The following DDX31 variants were observed in gnomAD, a reference collection of about 807,000 sequenced individuals.
DDX31 encodes DEAD-box helicase 31, also known as ATP-dependent DNA helicase DDX31.
DDX31 carries 70 observed loss-of-function variants against 91.3 expected under a neutral mutation model. The observed-to-expected ratio is 0.77, with a 90% confidence interval of 0.63 to 0.94. DDX31 has a LOEUF of 0.94. Among genes scored for constraint, DDX31 ranks in the 40% least tolerant of loss-of-function variants. DDX31 has a pLI of 0.00. For synonymous variants in DDX31, 362 were observed against 350.6 expected (o/e 1.03, Z -0.36); for missense variants, 902 against 925.0 (o/e 0.98, Z 0.32).
intron 6 of DDX31, among the ~76,000 whole-genome samples, chr9:132,656,056 T>C (rs1314309065): frequency 2.0e-5 from 3 of 152,036 alleles, no homozygotes; most frequent in African/African-American, 7.3e-5. Flanking sequence ...GAAAAATCAA[T>C]TCCTCACAGG....
chr9:132,608,456 G>A (rs1177064168), intron 19 of DDX31, among the ~76,000 whole-genome samples: 1 of 152,072 alleles, frequency 6.6e-6, no homozygotes, highest in African/African-American at 2.4e-5. Context: ...CAATGTAAGA[G>A]ACGAAGGGTC....
At chr9:132,619,802 T>C (rs565897956) in intron 17 of DDX31, among the ~76,000 whole-genome samples, 5 of 151,810 alleles carry the variant, frequency 3.3e-5, no homozygotes, top group Non-Finnish European at 7.4e-5. Context: ...CCCTCTTAAC[T>C]GATGTGAAAT....
At chr9:132,657,365 T>A (rs2130821274) in intron 6 of DDX31, among the ~76,000 whole-genome samples, 1 of 152,340 alleles carries the variant, frequency 6.6e-6, no homozygotes, top group East Asian at 1.9e-4. Context: ...AACACTTTCA[T>A]CCACTCATTT....
chr9:132,629,845 T>A (rs903387136), intron 16 of DDX31, among the ~76,000 whole-genome samples: 1 of 152,240 alleles, frequency 6.6e-6, no homozygotes, highest in Non-Finnish European at 1.5e-5. Context: ...CCTGGGTTCA[T>A]CTTCCTGGGG....
chr9:132,594,891 T>TC lies in DDX31; in HGVS notation c.2215dup (p.Asp739GlyfsTer45). 1 of 1,613,872 alleles carries TC rather than the reference T, an allele frequency of 6.2e-7. No individual in the cohort carries two copies. The highest frequency in any genetic ancestry group is 8.5e-7 in the Non-Finnish European group (1 of 1,180,040). On this transcript the variant is annotated frameshift_variant, in exon 20 of 20. Transcript: ENST00000372159. LOFTEE classifies it low-confidence loss of function (END_TRUNC). The stretch of plus-strand genomic sequence containing the variant: ...TTAAACTTTCTGGGAAGTCTTGCTG[T>TC]CCCGCTGTACACCTTTTTGGGTTTT...
intron 19 of DDX31, among the ~76,000 whole-genome samples, chr9:132,602,767 T>C (rs893490319): frequency 5.3e-5 from 8 of 152,206 alleles, no homozygotes; most frequent in South Asian, 4.1e-4. Context: ...ACTAAAAGCA[T>C]TCACATGCTG....
At chr9:132,624,426 G>C (rs1045589783) in intron 17 of DDX31, among the ~76,000 whole-genome samples, 10 of 152,088 alleles carry the variant, frequency 6.6e-5, no homozygotes, top group African/African-American at 2.4e-4. Flanking sequence ...TCTTTGCTGT[G>C]GTTGATCAAA....
chr9:132,641,534 G>C (rs1486783045), intron 14 of DDX31, among the ~76,000 whole-genome samples: 1 of 152,214 alleles, frequency 6.6e-6, no homozygotes, highest in Non-Finnish European at 1.5e-5. Flanking sequence ...ATCCCGGACT[G>C]CAGAGCCTGA....
chr9:132,628,829 T>TG (rs1590025236), intron 16 of DDX31, among the ~76,000 whole-genome samples: 1 of 152,286 alleles, frequency 6.6e-6, no homozygotes, highest in East Asian at 1.9e-4. Flanking sequence ...TATGGTGTGG[T>TG]GACTACATTT....
chr9:132,641,411 A>G (rs568846040), intron 14 of DDX31, among the ~76,000 whole-genome samples: 3 of 152,376 alleles, frequency 2.0e-5, no homozygotes, highest in African/African-American at 7.2e-5. Flanking sequence ...CAACTACGGT[A>G]AAGTGAATCC....
intron 7 of DDX31, 110 bp downstream of exon 7, chr9:132,652,338 G>A (rs1834244205): frequency 1.7e-5 from 21 of 1,265,586 alleles, no homozygotes; most frequent in Non-Finnish European, 2.4e-5. Context: ...TGGAACTGGT[G>A]TGCAGTGGCT....
In DDX31 at chr9:132,625,696, C is replaced by T. The variant is rs1160095179; in HGVS notation, c.1681G>A (p.Asp561Asn). Residue 561 changes from aspartate to asparagine, a missense_variant, in exon 17 of 20, where the codon GAT becomes AAT. Transcript: ENST00000372159. Reference sequence around the variant, plus strand: ...CCCCATCGTTTCCCTTTAAAACAATCATCTCTTGTCAGAACACACAAAATA... The same window carrying T: ...CCCCATCGTTTCCCTTTAAAACAATTATCTCTTGTCAGAACACACAAAATA... ...EDILCVLTRD[D>N]CFKGKRWGAQ... 6.2e-7 allele frequency: 1 copy of T among 1,613,996 alleles called. No individual in the cohort carries two copies. Among genetic ancestry groups the T allele is most frequent in the Middle Eastern group, 1.7e-4 (1 of 6,060 alleles).
At position 132,666,935 on chromosome 9, in the gene DDX31, G is replaced by A. The variant is rs187594463; in HGVS notation, c.75+2925C>T. ...TCACTGTGTTAGCCAGGATGGTCTC[G>A]ATCTCCTGACCTCGTGATCCACCGG... is the stretch of plus-strand genomic sequence containing the variant. On this transcript the variant is annotated intron_variant, in intron 1 of 19. Coordinates refer to ENST00000372159, the MANE Select transcript of DDX31 (RefSeq NM_022779.9). 7.0e-4 allele frequency among the ~76,000 whole-genome samples: 107 copies of A among 152,018 alleles called. 3 individuals carry two copies. The highest frequency in any genetic ancestry group is 5.6e-3 in the Admixed American group (85 of 15,276).
rs7048629 is a variant in DDX31 at position 132,632,390 on chromosome 9, T to C, written c.1441-299A>G. Among the ~76,000 whole-genome samples the C allele has an allele frequency of 8.8e-3, 1,338 of 151,678 alleles. 21 individuals are homozygous for C. The highest frequency in any genetic ancestry group is 0.031 in the African/African-American group (1,279 of 41,422). Reference sequence around the variant, plus strand: ...TTAGGGGCAAATTCTACAGAACCCATTGATGAGGGAGTCACAACACCCTTT... The same window carrying C: ...TTAGGGGCAAATTCTACAGAACCCACTGATGAGGGAGTCACAACACCCTTT... On this transcript the variant is annotated intron_variant, in intron 14 of 19. Coordinates refer to ENST00000372159, the MANE Select transcript of DDX31 (RefSeq NM_022779.9).
At chr9:132,605,686 G>A (rs1830973626) in intron 19 of DDX31, among the ~76,000 whole-genome samples, 1 of 152,192 alleles carries the variant, frequency 6.6e-6, no homozygotes, top group South Asian at 2.1e-4. Context: ...TGGCTGGAGA[G>A]GGCACAGCAT....
chr9:132,620,474 C>A (rs1393624673), intron 17 of DDX31, among the ~76,000 whole-genome samples: 3 of 143,272 alleles, frequency 2.1e-5, no homozygotes, highest in Non-Finnish European at 3.0e-5. Flanking sequence ...AAGCGAAATA[C>A]GTAGGGAAAA....
chr9:132,661,180 G>C (rs1243807626), intron 4 of DDX31, 28 bp downstream of exon 4: 6 of 1,601,928 alleles, frequency 3.7e-6, no homozygotes, highest in Non-Finnish European at 4.3e-6. Context: ...TAATGCCTAA[G>C]AAATCAAGAG....
chr9:132,598,142 C>T (rs1360492439), intron 19 of DDX31, among the ~76,000 whole-genome samples: 1 of 152,134 alleles, frequency 6.6e-6, no homozygotes, highest in African/African-American at 2.4e-5. Context: ...GGGGTTTCAC[C>T]TGCTGTCATG....
chr9:132,630,195 C>G (rs754070556), intron 16 of DDX31, 69 bp downstream of exon 16: 5 of 1,481,738 alleles, frequency 3.4e-6, no homozygotes, highest in Non-Finnish European at 4.5e-6. Context: ...AAGGCCCATT[C>G]ACTGTAAAAA....
Sources: allele counts gnomAD v4.1 joint callset (sites outside exome capture counted in the v4.1 genomes callset), GRCh38; gene constraint gnomAD v4.1.1; transcripts MANE v1.5; gene names NCBI Gene and HGNC (gene_info 2026-07-23, HGNC 2026-07-21).